GABRB2: variants seen among roughly 807,000 people sequenced by gnomAD.
GABRB2 encodes the protein gamma-aminobutyric acid receptor subunit beta-2.
GABRB2 carries 16 observed loss-of-function variants against 54.7 expected under a neutral mutation model. The ratio of observed to expected loss-of-function variants is 0.29; its 90% CI spans 0.20 to 0.44. The LOEUF is 0.44. Ranked by LOEUF, GABRB2 falls within the 20% of genes least tolerant of loss-of-function variation. GABRB2 has a pLI of 1.00. For synonymous variants in GABRB2, 244 were observed against 233.8 expected (o/e 1.04, Z -0.40); for missense variants, 355 against 644.0 (o/e 0.55, Z 4.86).
At chr5:161,329,005 G>A (rs1311985386) in intron 8 of GABRB2, among the ~76,000 whole-genome samples, 1 of 152,078 alleles carries the variant, frequency 6.6e-6, no homozygotes, top group African/African-American at 2.4e-5. Context: ...CACCACTATG[G>A]GGTAACTGCC....
rs550379844 is a variant in GABRB2 at position 161,440,596 on chromosome 5, T to G, written c.458+19028A>C. Among the ~76,000 whole-genome samples the G allele has an allele frequency of 2.0e-5, 3 of 152,228 alleles. No homozygotes were observed. In the East Asian group the frequency reaches 5.8e-4, roughly 29 times the overall value. On this transcript the variant is annotated intron_variant, in intron 4 of 9. Coordinates refer to ENST00000393959, the MANE Select transcript of GABRB2 (RefSeq NM_001371727.1). ...ACCCAGATACATAAGGCAAATATTA[T>G]TAGAAGCAAACAGAGATATAGGCCC...
At chr5:161,411,206 T>C (rs1298949816) in intron 4 of GABRB2, 149 bp from the exon 5 acceptor site, 4 of 609,650 alleles carry the variant, frequency 6.6e-6, no homozygotes, top group Non-Finnish European at 1.2e-5. Context: ...TATTCCTTTA[T>C]GAATCTCACA....
intron 3 of GABRB2, among the ~76,000 whole-genome samples, chr5:161,518,143 C>T (rs984053241): frequency 6.6e-6 from 1 of 152,078 alleles, no homozygotes; most frequent in African/African-American, 2.4e-5. Flanking sequence ...TGCTGAGGTA[C>T]ATTTGAAGAA....
chr5:161,529,483 G>A (rs1407551594), intron 3 of GABRB2, among the ~76,000 whole-genome samples: 2 of 151,996 alleles, frequency 1.3e-5, no homozygotes, highest in South Asian at 2.1e-4. Context: ...CTTTCTAGCT[G>A]TAGCATAGGA....
intron 3 of GABRB2, among the ~76,000 whole-genome samples, chr5:161,531,757 T>C (rs1416239197): frequency 6.6e-6 from 1 of 152,010 alleles, no homozygotes; most frequent in East Asian, 1.9e-4. Context: ...AAAACTGGTG[T>C]CAGGGTGAAT....
chr5:161,403,330 G>T (rs1756257391), intron 5 of GABRB2, among the ~76,000 whole-genome samples: 1 of 152,128 alleles, frequency 6.6e-6, no homozygotes, highest in Non-Finnish European at 1.5e-5. Flanking sequence ...ATCTGTGAAA[G>T]GTCCTAGCAC....
chr5:161,318,432 T>C (rs1342209744), intron 9 of GABRB2, among the ~76,000 whole-genome samples: 3 of 152,072 alleles, frequency 2.0e-5, no homozygotes, highest in Non-Finnish European at 2.9e-5. Flanking sequence ...TATGGTATTA[T>C]ATTTAAATAC....
intron 9 of GABRB2, among the ~76,000 whole-genome samples, chr5:161,300,827 T>G (rs898664012): frequency 1.3e-5 from 2 of 152,046 alleles, no homozygotes; most frequent in Non-Finnish European, 2.9e-5. Flanking sequence ...CGACTTCAAA[T>G]AAAGGAGTAG....
intron 5 of GABRB2, among the ~76,000 whole-genome samples, chr5:161,368,688 G>C (rs1298745650): frequency 6.6e-6 from 1 of 152,162 alleles, no homozygotes; most frequent in Non-Finnish European, 1.5e-5. Context: ...TCGTTTTTCA[G>C]TGCCAGTCTA....
chr5:161,391,461 G>T (rs552868132), intron 5 of GABRB2, among the ~76,000 whole-genome samples: 1 of 152,290 alleles, frequency 6.6e-6, no homozygotes, highest in East Asian at 1.9e-4. Context: ...TAATCACTGA[G>T]ATATTCTCCT....
chr5:161,370,381 CA>C (rs1368793768), intron 5 of GABRB2, among the ~76,000 whole-genome samples: 1 of 152,128 alleles, frequency 6.6e-6, no homozygotes, highest in African/African-American at 2.4e-5. Context: ...CTAGCTTCTG[CA>C]GAAGTAGAGT....
chr5:161,427,349 T>C (rs1757031768), intron 4 of GABRB2, among the ~76,000 whole-genome samples: 1 of 152,176 alleles, frequency 6.6e-6, no homozygotes, highest in Non-Finnish European at 1.5e-5. Context: ...TTGGGTTAAA[T>C]AGAAAGATTA....
At chr5:161,359,173 C>T (rs1356295668) in intron 5 of GABRB2, among the ~76,000 whole-genome samples, 1 of 152,038 alleles carries the variant, frequency 6.6e-6, no homozygotes, top group Admixed American at 6.6e-5. Flanking sequence ...CATATAAGCA[C>T]ACTTAGTCCA....
chr5:161,336,649 T>C lies in GABRB2; in HGVS notation c.662A>G (p.Lys221Arg), dbSNP rs1273884286. The change falls in exon 6 of 10, where the codon AAG becomes AGG. Residue 221 changes from lysine (K) to arginine (R), a missense_variant. Around this residue, in one of 6 missense-constraint regions of GABRB2, gnomAD observed 30 missense variants for 33.7 expected, o/e 0.89. Transcript: ENST00000393959. ...SIVDYKLITK[K>R]VVFSTGSYPR... Reference sequence around the variant, plus strand: ...ATACAAACCTGTGGAAAAAACAACCTTCTTGGTGATAAGTTTGTAATCTAC... The same window carrying C: ...ATACAAACCTGTGGAAAAAACAACCCTCTTGGTGATAAGTTTGTAATCTAC... 1.2e-6 allele frequency: 2 copies of C among 1,613,130 alleles called. No homozygotes were observed. The highest frequency in any genetic ancestry group is 1.7e-6 in the Non-Finnish European group (2 of 1,179,532).
At chr5:161,510,935 T>C (rs1179636755) in intron 3 of GABRB2, among the ~76,000 whole-genome samples, 1 of 151,974 alleles carries the variant, frequency 6.6e-6, no homozygotes, top group Middle Eastern at 3.2e-3. Context: ...AGGCTCATAA[T>C]CACATTCTTT....
intron 5 of GABRB2, among the ~76,000 whole-genome samples, chr5:161,379,634 G>C (rs1358870286): frequency 6.6e-6 from 1 of 152,028 alleles, no homozygotes; most frequent in East Asian, 1.9e-4. Context: ...CCACACTCTG[G>C]CTATAGAAGC....
At chr5:161,437,194 A>C (rs1757337419) in intron 4 of GABRB2, among the ~76,000 whole-genome samples, 1 of 151,722 alleles carries the variant, frequency 6.6e-6, no homozygotes, top group Admixed American at 6.6e-5. Context: ...CCACCCCTCC[A>C]CCCAATCCCA....
chr5:161,309,507 G>A (rs1757796208), intron 9 of GABRB2, among the ~76,000 whole-genome samples: 1 of 152,078 alleles, frequency 6.6e-6, no homozygotes, highest in Admixed American at 6.5e-5. Context: ...CTATTACTGG[G>A]TATATACCCA....
intron 4 of GABRB2, among the ~76,000 whole-genome samples, chr5:161,413,566 T>C (rs1356710680): frequency 6.6e-6 from 1 of 152,204 alleles, no homozygotes; most frequent in African/African-American, 2.4e-5. Context: ...TTTTGTTTTT[T>C]AGTTTGGTTT....
Sources: gnomAD v4.1 joint callset for allele counts (sites outside exome capture counted in the v4.1 genomes callset) on GRCh38, gnomAD v4.1.1 for gene constraint, gnomAD v4.1.1 regional missense constraint, MANE v1.5 for transcripts, NCBI Gene and HGNC (gene_info 2026-07-23, HGNC 2026-07-21) for gene names.